B3GALT5: variants seen among roughly 807,000 people sequenced by gnomAD.
The protein encoded by B3GALT5 is beta-1,3-galactosyltransferase 5, also known as UDP-Gal:betaGlcNAc beta 1,3-galactosyltransferase, polypeptide 5.
For missense variants in B3GALT5, 328 were observed against 396.6 expected, an observed-to-expected ratio of 0.83 and a Z score of 1.47; for synonymous variants, 156 against 158.6, an observed-to-expected ratio of 0.98 and a Z score of 0.12.
chr21:39,621,296 T>C (rs2079132969), intron 1 of B3GALT5, among the ~76,000 whole-genome samples: 1 of 152,212 alleles, frequency 6.6e-6, no homozygotes, highest in Non-Finnish European at 1.5e-5. Context: ...GAAATAATCA[T>C]AGACTTTTTC....
chr21:39,639,436 C>CTTTCTTTCTTTT (rs2079269098), intron 1 of B3GALT5, among the ~76,000 whole-genome samples: 1 of 108,908 alleles, frequency 9.2e-6, no homozygotes, highest in South Asian at 2.7e-4. Flanking sequence ...TTCTTTCTTT[C>CTTTCTTTCTTTT]TTTCTTTCTT....
At chr21:39,622,605 G>T (rs2079139803) in intron 1 of B3GALT5, among the ~76,000 whole-genome samples, 1 of 151,896 alleles carries the variant, frequency 6.6e-6, no homozygotes, top group African/African-American at 2.4e-5. Context: ...GCCTATCGTT[G>T]TAGCTTTACT....
Position 39,661,278 on chromosome 21 carries a change from A to C in B3GALT5, c.719A>C (p.Lys240Thr), listed in dbSNP as rs760066599. 1 of 1,614,160 alleles carries C rather than the reference A, an allele frequency of 6.2e-7. No homozygotes were observed. Among genetic ancestry groups the C allele is most frequent in the African/African-American group, 1.3e-5 (1 of 75,050 alleles). ...GTCTCCAAGAGCGTCCCATACATTA[A>C]ACTGGAAGACGTGTTTGTGGGGCTC... ...YNVSKSVPYI[K>T]LEDVFVGLCL... The change falls in exon 4 of 4, where the codon AAA becomes ACA. Residue 240 changes from lysine (K) to threonine (T), a missense_variant. Lys to Thr is a moderately conservative substitution (Grantham distance 78). Transcript: ENST00000684187. This position sits in a 1 kb window ranked among gnomAD's most constrained non-coding sequence, Gnocchi z 4.7.
intron 1 of B3GALT5, among the ~76,000 whole-genome samples, chr21:39,645,725 G>C (rs867174082): frequency 3.9e-5 from 6 of 152,272 alleles, no homozygotes; most frequent in Middle Eastern, 3.4e-3. Context: ...ATAGAGACCT[G>C]TTGTCCCTGT....
At chr21:39,639,394 C>CTT (rs60073873) in intron 1 of B3GALT5, among the ~76,000 whole-genome samples, 140 of 92,576 alleles carry the variant, frequency 1.5e-3, no homozygotes, top group African/African-American at 1.8e-3. Context: ...TTCCTTCCTT[C>CTT]TTTCTTTTTC....
chr21:39,623,241 CCCTTCCTTCCTT>C (rs1182848314), intron 1 of B3GALT5, among the ~76,000 whole-genome samples: 5 of 17,916 alleles, frequency 2.8e-4, no homozygotes, highest in East Asian at 3.1e-3. Context: ...CTCCCTCCCT[CCCTTCCTTCCTT>C]CCTTCCTTCC....
At chr21:39,655,892 C>A (rs2079438864) in intron 2 of B3GALT5, among the ~76,000 whole-genome samples, 1 of 152,124 alleles carries the variant, frequency 6.6e-6, no homozygotes, top group African/African-American at 2.4e-5. Context: ...TCTTTTCCAC[C>A]TTCTCCAGGG....
At chr21:39,619,005 GAATA>G (rs1281293508) in intron 1 of B3GALT5, among the ~76,000 whole-genome samples, 1 of 152,162 alleles carries the variant, frequency 6.6e-6, no homozygotes, top group Non-Finnish European at 1.5e-5. Context: ...TTTTTCAAAT[GAATA>G]GTCAGTCCTA....
rs75862044 is a variant in B3GALT5 at position 39,663,130 on chromosome 21, C to T, written c.*1638C>T. 502 of 152,342 alleles carry T rather than the reference C, an allele frequency of 3.3e-3. 5 individuals are homozygous for T. In the East Asian group the frequency reaches 0.036, roughly 11 times the overall value. The allele number at this position is 152,342 out of a possible 1,614,324, so 9.4% of individuals were successfully genotyped here. On this transcript the variant is annotated 3_prime_UTR_variant, in exon 4 of 4. Transcript: ENST00000684187. ...TTTTGAAGCCCAAATTTAAGAGCCA[C>T]GCCTCTCGGTTCCATAGGATGGGCC... is the stretch of plus-strand genomic sequence containing the variant.
chr21:39,625,232 C>G (rs2079157684), intron 1 of B3GALT5, among the ~76,000 whole-genome samples: 1 of 152,120 alleles, frequency 6.6e-6, no homozygotes. Flanking sequence ...GGAGTTTTTC[C>G]AGGCTAATGA....
intron 1 of B3GALT5, among the ~76,000 whole-genome samples, chr21:39,621,148 T>A (rs1214865704): frequency 6.6e-6 from 1 of 152,242 alleles, no homozygotes; most frequent in Non-Finnish European, 1.5e-5. Flanking sequence ...TTCACCTTAA[T>A]GGGAATGCTT....
intron 1 of B3GALT5, among the ~76,000 whole-genome samples, chr21:39,632,980 A>G (rs1376878944): frequency 6.6e-6 from 1 of 152,142 alleles, no homozygotes; most frequent in African/African-American, 2.4e-5. Flanking sequence ...GGTTCCTGTG[A>G]GTCCTGGGGC....
chr21:39,647,304 G>A (rs893574324), intron 2 of B3GALT5, among the ~76,000 whole-genome samples: 3 of 152,154 alleles, frequency 2.0e-5, no homozygotes, highest in Non-Finnish European at 2.9e-5. Context: ...AGATGGCTTC[G>A]TGTAGCACAA....
rs2776324 is a variant in B3GALT5, at chr21:39,671,118, T to G, written c.*9626T>G. On this transcript the variant is annotated 3_prime_UTR_variant, in exon 4 of 4. Transcript: ENST00000684187. ...TCTTGGCAATAACTGACCCTCCTCT[T>G]ATAATAACATTAATTCATTCATGAC... 2 of 152,194 alleles carry G rather than the reference T, an allele frequency of 1.3e-5. No homozygotes were observed. The highest frequency in any genetic ancestry group is 2.9e-5 in the Non-Finnish European group (2 of 68,042). The allele number at this position is 152,194 out of a possible 1,614,324, so 9.4% of individuals were successfully genotyped here. A position where few individuals can be genotyped will look rare whatever the true frequency, so the allele number is the denominator to read the frequency against.
intron 1 of B3GALT5, among the ~76,000 whole-genome samples, chr21:39,631,460 A>T (rs1457933864): frequency 6.6e-6 from 1 of 152,082 alleles, no homozygotes; most frequent in Non-Finnish European, 1.5e-5. Flanking sequence ...GGCCCAGCCT[A>T]CTTCAGTATG....
intron 2 of B3GALT5, chr21:39,657,822 T>G: frequency 8.2e-7 from 1 of 1,226,664 alleles, no homozygotes; most frequent in Non-Finnish European, 1.0e-6. Flanking sequence ...CAGAATCTGC[T>G]GGAGAAACTG....
chr21:39,650,360 G>A (rs2079382950), intron 2 of B3GALT5, among the ~76,000 whole-genome samples: 1 of 152,180 alleles, frequency 6.6e-6, no homozygotes, highest in African/African-American at 2.4e-5. Flanking sequence ...GCCTTCACTG[G>A]TCAGCTGCAA....
At chr21:39,648,902 C>T (rs970361401) in intron 2 of B3GALT5, among the ~76,000 whole-genome samples, 2 of 152,210 alleles carry the variant, frequency 1.3e-5, no homozygotes, top group African/African-American at 4.8e-5. Context: ...CGACCATCTG[C>T]AAGCCAGGAG....
Position 39,655,133 on chromosome 21 carries a change from CTG to C in B3GALT5, c.-160-4616_-160-4615del, listed in dbSNP as rs1385186225. ...TGAGAGTCGATGGTGTGGCCCCAGTCTGTGTTTGAAGGCCTGAGAACCAGGAG... is the reference window on the plus strand; with the variant it reads ...TGAGAGTCGATGGTGTGGCCCCAGTCTGTTTGAAGGCCTGAGAACCAGGAG... On this transcript the variant is annotated intron_variant, in intron 2 of 3. Transcript: ENST00000684187. 2.0e-5 allele frequency among the ~76,000 whole-genome samples: 3 copies of C among 152,318 alleles called. No individual in the cohort carries two copies. In the East Asian group the frequency reaches 5.8e-4, roughly 29 times the overall value.
Sources: allele counts gnomAD v4.1 joint callset (sites outside exome capture counted in the v4.1 genomes callset), GRCh38; gene constraint gnomAD v4.1.1; non-coding constraint Gnocchi (gnomAD v3.1); transcripts MANE v1.5; gene names NCBI Gene and HGNC (gene_info 2026-07-23, HGNC 2026-07-21).